Variants in PROSER2 observed in about 807,000 individuals in gnomAD.
PROSER2 encodes proline and serine-rich protein 2.
In PROSER2, 18 loss-of-function variants were observed where a neutral mutation model predicts 14.6. The ratio of observed to expected loss-of-function variants is 1.23; its 90% CI spans 0.85 to 1.83. The LOEUF is 1.83. PROSER2 is among the 40% of genes most tolerant of loss of function. PROSER2 has a pLI of 0.00. For missense variants in PROSER2, 823 were observed against 629.8 expected, an observed-to-expected ratio of 1.31 and a Z score of -3.28; for synonymous variants, 367 against 286.4, an observed-to-expected ratio of 1.28 and a Z score of -2.84.
intron 1 of PROSER2, among the ~76,000 whole-genome samples, chr10:11,842,691 A>G (rs1833861583): frequency 6.6e-6 from 1 of 152,078 alleles, no homozygotes; most frequent in Non-Finnish European, 1.5e-5. Flanking sequence ...CTCTATTGGT[A>G]GCCGACTCGC....
intron 2 of PROSER2, chr10:11,863,092 C>T (rs10795902): frequency 0.96 from 146,528 of 152,280 alleles, 70,710 homozygotes; most frequent in East Asian, 1. Flanking sequence ...CTACCTAACC[C>T]GTGCCTAGGT....
At chr10:11,854,079 C>G (rs930808018) in intron 2 of PROSER2, among the ~76,000 whole-genome samples, 1 of 152,166 alleles carries the variant, frequency 6.6e-6, no homozygotes, top group African/African-American at 2.4e-5. Context: ...TCACAGAATT[C>G]TGCTGCATAT....
At chr10:11,826,897 T>TCC (rs1554765426) in intron 1 of PROSER2, among the ~76,000 whole-genome samples, 11 of 134,742 alleles carry the variant, frequency 8.2e-5, no homozygotes, top group South Asian at 2.4e-4. Flanking sequence ...TTTTTTTTTT[T>TCC]CCTCTGACAT....
At chr10:11,851,720 T>C (rs1834020427) in intron 1 of PROSER2, 1 of 158,446 alleles carries the variant, frequency 6.3e-6, no homozygotes, top group Admixed American at 6.5e-5. Context: ...GCCCAAGAGT[T>C]CAGTGTCAGC....
At chr10:11,840,342 TC>T (rs1833819303) in intron 1 of PROSER2, among the ~76,000 whole-genome samples, 1 of 152,186 alleles carries the variant, frequency 6.6e-6, no homozygotes, top group Non-Finnish European at 1.5e-5. Context: ...TAAAAACATT[TC>T]TGCATAATTT....
chr10:11,844,099 C>T (rs1833889875), intron 1 of PROSER2, among the ~76,000 whole-genome samples: 1 of 152,096 alleles, frequency 6.6e-6, no homozygotes, highest in African/African-American at 2.4e-5. Context: ...TCAAGTGATC[C>T]TCCCACTGCA....
At chr10:11,841,651 A>G (rs928455350) in intron 1 of PROSER2, among the ~76,000 whole-genome samples, 1 of 152,204 alleles carries the variant, frequency 6.6e-6, no homozygotes, top group Non-Finnish European at 1.5e-5. Context: ...ATTTAGAAGT[A>G]TAAATTCCTA....
intron 1 of PROSER2, among the ~76,000 whole-genome samples, chr10:11,831,389 A>G (rs1281884263): frequency 6.6e-6 from 1 of 152,230 alleles, no homozygotes; most frequent in Non-Finnish European, 1.5e-5. Flanking sequence ...TTGTTTCACA[A>G]AAGTAGAATG....
rs145297264 is a variant in PROSER2, at chr10:11,841,357, G to A, written c.-81-10640G>A. 6.8e-3 allele frequency among the ~76,000 whole-genome samples: 1,038 copies of A among 152,020 alleles called. 19 individuals carry two copies. The highest frequency in any genetic ancestry group is 0.024 in the African/African-American group (977 of 41,484). On this transcript the variant is annotated intron_variant, in intron 1 of 3. Transcript: ENST00000277570. The stretch of plus-strand genomic sequence containing the variant: ...TTCCCCTCAGTTCTGTTGAAAGTTT[G>A]TCAATTTTATTAATATTTTCAAAAA...
At chr10:11,864,049 C>A (rs892235272) in intron 2 of PROSER2, among the ~76,000 whole-genome samples, 3 of 152,138 alleles carry the variant, frequency 2.0e-5, no homozygotes, top group South Asian at 4.1e-4. Context: ...GGGTTTACTC[C>A]GTGTTTAGAG....
chr10:11,845,711 C>T (rs904143443), intron 1 of PROSER2, among the ~76,000 whole-genome samples: 1 of 152,056 alleles, frequency 6.6e-6, no homozygotes, highest in Non-Finnish European at 1.5e-5. Flanking sequence ...AGGCTGGGGT[C>T]CTCGGCGGGA....
intron 1 of PROSER2, among the ~76,000 whole-genome samples, chr10:11,848,330 G>A (rs771351716): frequency 6.6e-6 from 1 of 152,044 alleles, no homozygotes; most frequent in Non-Finnish European, 1.5e-5. Context: ...CACCATGCCC[G>A]GCTAATTTTT....
At position 11,869,189 on chromosome 10, in the gene PROSER2, G is replaced by C. The variant is rs1201136032; in HGVS notation, c.392-301G>C. On this transcript the variant is annotated intron_variant, in intron 3 of 3. Transcript: ENST00000277570. This position sits in a 1 kb window ranked among gnomAD's most constrained non-coding sequence, Gnocchi z 4.4. Reference sequence around the variant, plus strand: ...ATGAGTTGGTCACTACTTGCGTCCTGTCCCAGCCTCAGGGGCTGGAGCCTC... The same window carrying C: ...ATGAGTTGGTCACTACTTGCGTCCTCTCCCAGCCTCAGGGGCTGGAGCCTC... Among the ~76,000 whole-genome samples the C allele has an allele frequency of 6.6e-6, 1 of 152,196 alleles. No homozygotes were observed. Among genetic ancestry groups the C allele is most frequent in the Admixed American group, 6.5e-5 (1 of 15,288 alleles).
intron 2 of PROSER2, among the ~76,000 whole-genome samples, chr10:11,854,100 AC>A (rs1834079121): frequency 6.6e-6 from 1 of 151,958 alleles, no homozygotes; most frequent in African/African-American, 2.4e-5. Context: ...CCAGCCTTAG[AC>A]CTGTTCTCCT....
In PROSER2 at chr10:11,846,242, C is replaced by G. The variant is rs548306013; in HGVS notation, c.-81-5755C>G. 8.9e-4 allele frequency among the ~76,000 whole-genome samples: 136 copies of G among 152,170 alleles called. 1 individual carries two copies. Among genetic ancestry groups the G allele is most frequent in the Non-Finnish European group, 1.8e-3 (120 of 68,048 alleles). ...CCTCAAGTGATTCACCTGCCTCGGC[C>G]TCCCATAGTGCTGGGATTACAGGTG... On this transcript the variant is annotated intron_variant, in intron 1 of 3. Coordinates refer to ENST00000277570, the MANE Select transcript of PROSER2 (RefSeq NM_153256.4).
intron 3 of PROSER2, among the ~76,000 whole-genome samples, chr10:11,868,618 A>G (rs1834399700): frequency 6.6e-6 from 1 of 151,212 alleles, no homozygotes; most frequent in African/African-American, 2.4e-5. Flanking sequence ...ACATAAAAAG[A>G]TATGAATTTC....
chr10:11,829,849 T>TC (rs1262904440), intron 1 of PROSER2, among the ~76,000 whole-genome samples: 2 of 141,192 alleles, frequency 1.4e-5, no homozygotes, highest in African/African-American at 5.2e-5. Flanking sequence ...TTTTTTTTTT[T>TC]TTTTTTTTTT....
intron 1 of PROSER2, among the ~76,000 whole-genome samples, chr10:11,848,939 A>G (rs1330185298): frequency 1.3e-5 from 2 of 152,178 alleles, no homozygotes; most frequent in African/African-American, 4.8e-5. Flanking sequence ...CTGTAATCCC[A>G]GCACTTTGGG....
At position 11,864,610 on chromosome 10, in the gene PROSER2, A is replaced by G. The variant is rs1243721283; in HGVS notation, c.139-1921A>G. On this transcript the variant is annotated intron_variant, in intron 2 of 3. Coordinates refer to ENST00000277570, the MANE Select transcript of PROSER2 (RefSeq NM_153256.4). ...TTTTTTTCTTTTTTTTTTTTTTGAG[A>G]CAGAGTCTTGCTCTGTCACCCAGGC... Among the ~76,000 whole-genome samples the G allele has an allele frequency of 2.1e-5, 3 of 142,566 alleles. No individual in the cohort carries two copies. The Admixed American group carries it at 2.2e-4, about 10-fold the overall frequency. The allele number at this position is 142,566 out of a possible 152,430, so 93.5% of individuals were successfully genotyped here.
Sources: gnomAD v4.1 joint callset for allele counts (sites outside exome capture counted in the v4.1 genomes callset) on GRCh38, gnomAD v4.1.1 for gene constraint, Gnocchi (gnomAD v3.1) non-coding constraint, MANE v1.5 for transcripts, NCBI Gene and HGNC (gene_info 2026-07-23, HGNC 2026-07-21) for gene names.